JAZF1: variants seen among roughly 807,000 people sequenced by gnomAD.
JAZF1 encodes juxtaposed with another zinc finger protein 1.
In JAZF1, 8 loss-of-function variants were observed where a neutral mutation model predicts 26.4. The ratio of observed to expected loss-of-function variants is 0.30; its 90% CI spans 0.18 to 0.55. JAZF1 has a LOEUF of 0.55. Among genes scored for constraint, JAZF1 ranks in the 20% least tolerant of loss-of-function variants. JAZF1 has a pLI of 0.94. For synonymous variants in JAZF1, 126 were observed against 122.3 expected (o/e 1.03, Z -0.20); for missense variants, 199 against 322.0 (o/e 0.62, Z 2.92).
chr7:28,074,187 A>G (rs1230307531), intron 1 of JAZF1, among the ~76,000 whole-genome samples: 1 of 152,220 alleles, frequency 6.6e-6, no homozygotes. Context: ...TTTGCCCCAA[A>G]TAAGTTAAAA....
At chr7:28,092,290 CAAAAAA>C (rs749913273) in intron 1 of JAZF1, among the ~76,000 whole-genome samples, 8 of 12,800 alleles carry the variant, frequency 6.3e-4, no homozygotes, top group South Asian at 4.0e-3. Context: ...GGACAAAAGG[CAAAAAA>C]AAAAAAAAAA....
intron 2 of JAZF1, among the ~76,000 whole-genome samples, chr7:27,924,202 C>T (rs1039190362): frequency 3.9e-5 from 6 of 152,282 alleles, no homozygotes; most frequent in East Asian, 3.9e-4. Flanking sequence ...TTCAGCCTCC[C>T]GAGCAGCTGG....
intron 1 of JAZF1, among the ~76,000 whole-genome samples, chr7:28,065,385 A>G (rs1783863791): frequency 6.6e-6 from 1 of 151,102 alleles, no homozygotes. Context: ...CACAGTGAAA[A>G]CCTGGGTAGA....
intron 3 of JAZF1, among the ~76,000 whole-genome samples, chr7:27,855,157 T>C (rs1783222803): frequency 6.6e-6 from 1 of 152,036 alleles, no homozygotes; most frequent in Admixed American, 6.5e-5. Context: ...TCGATTCAGC[T>C]ATTGATACTT....
intron 1 of JAZF1, among the ~76,000 whole-genome samples, chr7:28,174,554 G>A (rs965258104): frequency 2.6e-5 from 4 of 152,188 alleles, no homozygotes; most frequent in African/African-American, 9.7e-5. Flanking sequence ...AGAATATGTG[G>A]GTTTTTGTCA....
At chr7:27,912,530 C>G (rs927943581) in intron 2 of JAZF1, among the ~76,000 whole-genome samples, 3 of 151,900 alleles carry the variant, frequency 2.0e-5, no homozygotes, top group African/African-American at 7.3e-5. Context: ...AATTTTTCAC[C>G]CACCCCTATA....
chr7:28,089,188 G>A (rs1279259756), intron 1 of JAZF1, among the ~76,000 whole-genome samples: 1 of 152,216 alleles, frequency 6.6e-6, no homozygotes, highest in African/African-American at 2.4e-5. Context: ...CTGTGGCGAT[G>A]AGGCCTTTGG....
chr7:27,994,854 G>A (rs930259807), intron 1 of JAZF1, among the ~76,000 whole-genome samples: 1 of 152,144 alleles, frequency 6.6e-6, no homozygotes, highest in East Asian at 1.9e-4. Flanking sequence ...CAGTAAAAGT[G>A]TAATAGCTGC....
At chr7:28,151,107 A>G (rs201852950) in intron 1 of JAZF1, among the ~76,000 whole-genome samples, 5 of 35,408 alleles carry the variant, frequency 1.4e-4, no homozygotes, top group Non-Finnish European at 2.3e-4. Context: ...ATATATATAT[A>G]TATATTTTTT....
intron 2 of JAZF1, among the ~76,000 whole-genome samples, chr7:27,981,867 C>G (rs1344534353): frequency 6.6e-6 from 1 of 152,218 alleles, no homozygotes; most frequent in South Asian, 2.1e-4. Context: ...CAAACCACTG[C>G]ACTTGATTCA....
intron 2 of JAZF1, among the ~76,000 whole-genome samples, chr7:27,915,906 A>G (rs972235726): frequency 8.5e-5 from 13 of 152,352 alleles, no homozygotes; most frequent in African/African-American, 1.7e-4. Context: ...TGGGGTTCTT[A>G]CAAGAGAAGA....
At chr7:28,026,498 C>T (rs1056209565) in intron 1 of JAZF1, among the ~76,000 whole-genome samples, 1 of 152,162 alleles carries the variant, frequency 6.6e-6, no homozygotes, top group African/African-American at 2.4e-5. Flanking sequence ...CTTTCCCCCT[C>T]AAGGCTCAGG....
chr7:27,915,022 C>T (rs1784423359), intron 2 of JAZF1, among the ~76,000 whole-genome samples: 1 of 152,302 alleles, frequency 6.6e-6, no homozygotes, highest in Non-Finnish European at 1.5e-5. Context: ...ATGGCAACCA[C>T]CAGCCATTTT....
chr7:28,102,994 G>A (rs574864547), intron 1 of JAZF1, among the ~76,000 whole-genome samples: 4 of 152,100 alleles, frequency 2.6e-5, no homozygotes, highest in Non-Finnish European at 5.9e-5. Context: ...CACAGCCCTC[G>A]GTGAGTCACT....
chr7:27,913,922 T>C (rs1350091924), intron 2 of JAZF1, among the ~76,000 whole-genome samples: 2 of 152,092 alleles, frequency 1.3e-5, no homozygotes, highest in African/African-American at 4.8e-5. Flanking sequence ...GAGCTTCAGT[T>C]TTCTTATCTG....
At chr7:28,102,253 A>C (rs1181398335) in intron 1 of JAZF1, among the ~76,000 whole-genome samples, 1 of 152,266 alleles carries the variant, frequency 6.6e-6, no homozygotes, top group Non-Finnish European at 1.5e-5. Context: ...CCACAAGCAA[A>C]TGTCTTTATC....
intron 2 of JAZF1, among the ~76,000 whole-genome samples, chr7:27,988,484 C>T (rs1785809471): frequency 1.3e-5 from 2 of 151,858 alleles, no homozygotes; most frequent in Admixed American, 6.6e-5. Context: ...AAACCATCCT[C>T]CCGCTTTAGC....
intron 1 of JAZF1, among the ~76,000 whole-genome samples, chr7:28,176,938 T>C (rs1783558756): frequency 1.3e-5 from 2 of 152,022 alleles, no homozygotes; most frequent in Admixed American, 6.6e-5. Flanking sequence ...TTCATCTATC[T>C]AGGATGTTCA....
Position 28,095,423 on chromosome 7 carries a change from G to A in JAZF1, c.115+85040C>T, listed in dbSNP as rs1784368145. On this transcript the variant is annotated intron_variant, in intron 1 of 4. Coordinates refer to ENST00000283928, the MANE Select transcript of JAZF1 (RefSeq NM_175061.4). The stretch of plus-strand genomic sequence containing the variant: ...GGAGGAAGGAGAAGTGCCAAGTGAA[G>A]GGGGAGGAGCCCCTTACAAAGCCAT... Among the ~76,000 whole-genome samples the A allele has an allele frequency of 2.0e-5, 3 of 152,110 alleles. No individual in the cohort carries two copies. In the South Asian group the frequency reaches 6.2e-4, roughly 31 times the overall value.
Sources: allele counts gnomAD v4.1 joint callset (sites outside exome capture counted in the v4.1 genomes callset), GRCh38; gene constraint gnomAD v4.1.1; transcripts MANE v1.5; gene names NCBI Gene and HGNC (gene_info 2026-07-23, HGNC 2026-07-21).